Variants in ZNF560 observed in about 807,000 individuals in gnomAD.
ZNF560 encodes zinc finger protein 560.
In ZNF560, 54 loss-of-function variants were observed where a neutral mutation model predicts 81.8. That is an observed-to-expected ratio of 0.66 (90% CI 0.53 to 0.83). The LOEUF (loss-of-function observed/expected upper bound fraction) is 0.83. Ranked by LOEUF, ZNF560 falls within the 40% of genes least tolerant of loss-of-function variation. The probability of loss-of-function intolerance (pLI) is 0.00; values close to 1 mark genes in which losing one functional copy is unlikely to be tolerated. For missense variants in ZNF560, 940 were observed against 932.4 expected, an observed-to-expected ratio of 1.01 and a Z score of -0.11; for synonymous variants, 321 against 317.9, an observed-to-expected ratio of 1.01 and a Z score of -0.10.
intron 2 of ZNF560, among the ~76,000 whole-genome samples, chr19:9,476,727 T>G (rs765284203): frequency 9.2e-5 from 14 of 152,236 alleles, no homozygotes; most frequent in Non-Finnish European, 1.9e-4. Context: ...TTAAGTTTCC[T>G]GAGGCCTCCC....
Position 9,466,604 on chromosome 19 carries a change from T to C in ZNF560, c.2343A>G (p.Ser781=), listed in dbSNP as rs1555774701. Reference sequence around the variant, plus strand: ...GTGTTTTCAAATGTGCAATACGAGCTGAGAAAGAAGCAAAGGCTTTCCCAC... The same window carrying C: ...GTGTTTTCAAATGTGCAATACGAGCCGAGAAAGAAGCAAAGGCTTTCCCAC... ...DQCGKAFASF[S]ARIAHLKTH Residue 781 remains serine (S), a synonymous_variant, in exon 10 of 10, where the codon TCA becomes TCG. Coordinates refer to ENST00000301480, the MANE Select transcript of ZNF560 (RefSeq NM_152476.3). The C allele has an allele frequency of 2.5e-6, 4 of 1,606,906 alleles. No individual in the cohort carries two copies. The East Asian group carries it at 8.9e-5, about 36-fold the overall frequency.
At chr19:9,473,414 C>A (rs1050979078) in intron 4 of ZNF560, among the ~76,000 whole-genome samples, 155 bp from the exon 5 acceptor site, 2 of 152,118 alleles carry the variant, frequency 1.3e-5, no homozygotes, top group Admixed American at 1.3e-4. Flanking sequence ...CCCGTCTCTA[C>A]TAAAAATACA....
At chr19:9,447,120 C>T in the ZNF560 span, among the ~76,000 whole-genome samples, 8 of 128,994 alleles carry the variant, frequency 6.2e-5, no homozygotes, top group East Asian at 4.3e-4. Context: ...GGCAACAGAG[C>T]GAGACTCCGT....
chr19:9,447,574 A>T, the ZNF560 span, among the ~76,000 whole-genome samples: 1 of 152,164 alleles, frequency 6.6e-6, no homozygotes, highest in Non-Finnish European at 1.5e-5. Flanking sequence ...GGAATTTTAA[A>T]ATAAAATTGA....
At chr19:9,446,395 CACACACACACACAT>C in the ZNF560 span, among the ~76,000 whole-genome samples, 1 of 82,652 alleles carries the variant, frequency 1.2e-5, no homozygotes, top group African/African-American at 4.5e-5. Flanking sequence ...CACACACACA[CACACACACACACAT>C]AAAATATAGG....
upstream of ZNF560, among the ~76,000 whole-genome samples, chr19:9,503,603 C>T (rs1367566155): frequency 1.3e-5 from 2 of 152,200 alleles, no homozygotes; most frequent in African/African-American, 4.8e-5. Flanking sequence ...GGCAAAATCA[C>T]AGCTTACTGC....
the ZNF560 span, among the ~76,000 whole-genome samples, chr19:9,456,208 A>G: frequency 6.6e-6 from 1 of 152,174 alleles, no homozygotes; most frequent in African/African-American, 2.4e-5. Flanking sequence ...CAGGGCTGTG[A>G]GTCTCCTGCC....
rs1568450335 is a variant in ZNF560 at position 9,467,612 on chromosome 19, TG to T, written c.1334del (p.Pro445HisfsTer7). 6.2e-7 allele frequency: 1 copy of T among 1,613,994 alleles called. No homozygotes were observed. The highest frequency in any genetic ancestry group is 8.5e-7 in the Non-Finnish European group (1 of 1,179,980). On this transcript the variant is annotated frameshift_variant, in exon 10 of 10. Transcript: ENST00000301480. LOFTEE classifies it high-confidence loss of function. Reference protein sequence around the residue: ...DHCGKAFISYPSLFGHLRVHN... With the variant: ...DHCGKAFISYXSLFGHLRVHN... The stretch of plus-strand genomic sequence containing the variant: ...GAACTCTCAAATGTCCAAAAAGAGA[TG>T]GGTAAGAAATAAAGGCTTTCCCACA...
chr19:9,468,643 G>A (rs2073072278), intron 9 of ZNF560, among the ~76,000 whole-genome samples: 2 of 151,998 alleles, frequency 1.3e-5, no homozygotes, highest in South Asian at 2.1e-4. Flanking sequence ...ACAAGGTATG[G>A]GATCTCTCTC....
At chr19:9,450,623 G>A in the ZNF560 span, among the ~76,000 whole-genome samples, 17 of 151,998 alleles carry the variant, frequency 1.1e-4, no homozygotes, top group South Asian at 1.7e-3. Flanking sequence ...GCACGATCTC[G>A]GCTCACTGCA....
the ZNF560 span, among the ~76,000 whole-genome samples, chr19:9,451,357 C>T: frequency 6.6e-6 from 1 of 152,138 alleles, no homozygotes; most frequent in African/African-American, 2.4e-5. Context: ...TAGACAATAA[C>T]AAGCAATAGA....
At position 9,469,126 on chromosome 19, in the gene ZNF560, T is replaced by G; in HGVS notation, c.591A>C (p.Lys197Asn). Residue 197 changes from lysine (K) to asparagine (N), a missense_variant, in exon 9 of 10, where the codon AAA (lysine) becomes AAC (asparagine). Lys to Asn is a moderately conservative substitution (Grantham distance 94, BLOSUM62 0). Transcript: ENST00000301480. ...TTACCAACTGTATCCCATTTAATGTTTTTAAACAAAAATTATCTTGCCAAA... is the reference window on the plus strand; with the variant it reads ...TTACCAACTGTATCCCATTTAATGTGTTTAAACAAAAATTATCTTGCCAAA... The part of the protein sequence containing the change: ...PALWQDNFCL[K>N]TLNGIQLARN... 1 of 1,594,858 alleles carries G rather than the reference T, an allele frequency of 6.3e-7. No individual in the cohort carries two copies. The highest frequency in any genetic ancestry group is 8.5e-7 in the Non-Finnish European group (1 of 1,172,480).
chr19:9,454,426 C>T, the ZNF560 span, among the ~76,000 whole-genome samples: 31 of 152,240 alleles, frequency 2.0e-4, no homozygotes, highest in African/African-American at 6.7e-4. Context: ...GAACCCGGGT[C>T]GAAGGGTCGC....
intron 2 of ZNF560, among the ~76,000 whole-genome samples, chr19:9,491,047 G>A (rs562420233): frequency 2.3e-4 from 35 of 152,276 alleles, no homozygotes; most frequent in African/African-American, 8.2e-4. Flanking sequence ...TAAATAGTTT[G>A]GATACCTTTA....
Position 9,467,014 on chromosome 19 carries a change from C to G in ZNF560, c.1933G>C (p.Asp645His), listed in dbSNP as rs755638552. ...KAFVVSSSLV[D>H]HLRTHTGYKP... The stretch of plus-strand genomic sequence containing the variant: ...TATCCAGTGTGAGTTCTTAAATGAT[C>G]AACTAGACTGGAGGAGACAACAAAG... The change falls in exon 10 of 10, where the codon GAT (aspartate) becomes CAT (histidine). Residue 645 changes from aspartate (D) to histidine (H), a missense_variant. Transcript: ENST00000301480. 1.5e-5 allele frequency: 24 copies of G among 1,613,328 alleles called. No homozygotes were observed. In the South Asian group the frequency reaches 2.0e-4, roughly 13 times the overall value.
intron 2 of ZNF560, among the ~76,000 whole-genome samples, chr19:9,492,791 G>T (rs2073493257): frequency 6.6e-6 from 1 of 152,166 alleles, no homozygotes; most frequent in Non-Finnish European, 1.5e-5. Flanking sequence ...ACAGGCCCAG[G>T]AATTGATGGG....
chr19:9,450,622 C>T, the ZNF560 span, among the ~76,000 whole-genome samples: 129 of 152,184 alleles, frequency 8.5e-4, no homozygotes, highest in Middle Eastern at 3.4e-3. Flanking sequence ...GGCACGATCT[C>T]GGCTCACTGC....
At chr19:9,500,758 G>C (rs140506328), upstream of ZNF560, among the ~76,000 whole-genome samples, 2 of 151,850 alleles carry the variant, frequency 1.3e-5, no homozygotes, top group South Asian at 2.1e-4. Flanking sequence ...TGTATTTTTA[G>C]TAGAGACGGG....
At chr19:9,492,101 C>A (rs1383356520) in intron 2 of ZNF560, among the ~76,000 whole-genome samples, 1 of 152,030 alleles carries the variant, frequency 6.6e-6, no homozygotes. Flanking sequence ...CTGCCTCATG[C>A]TCCTGAGTAG....
Sources: gnomAD v4.1 joint callset for allele counts (sites outside exome capture counted in the v4.1 genomes callset) on GRCh38, gnomAD v4.1.1 for gene constraint, MANE v1.5 for transcripts, NCBI Gene and HGNC (gene_info 2026-07-23, HGNC 2026-07-21) for gene names.